UBP1: variants seen among roughly 807,000 people sequenced by gnomAD.
The protein encoded by UBP1 is upstream binding protein 1.
Under a neutral mutation model 76.1 loss-of-function variants are expected in UBP1, and 22 were observed. The ratio of observed to expected loss-of-function variants is 0.29; its 90% CI spans 0.21 to 0.41. The LOEUF is 0.41. Among genes scored for constraint, UBP1 ranks in the 10% least tolerant of loss-of-function variants. UBP1 has a pLI of 1.00. For missense variants in UBP1, 436 were observed against 668.1 expected, an observed-to-expected ratio of 0.65 and a Z score of 3.83; for synonymous variants, 224 against 237.1, an observed-to-expected ratio of 0.94 and a Z score of 0.51.
intron 1 of UBP1, among the ~76,000 whole-genome samples, chr3:33,427,116 T>G (rs775937720): frequency 2.0e-5 from 3 of 152,204 alleles, no homozygotes; most frequent in Non-Finnish European, 1.5e-5. Context: ...TAGAGGCATG[T>G]GCCACCACAC....
intron 1 of UBP1, among the ~76,000 whole-genome samples, chr3:33,429,791 T>C (rs1231396390): frequency 6.6e-6 from 1 of 152,200 alleles, no homozygotes; most frequent in Non-Finnish European, 1.5e-5. Context: ...AATCCAGCAA[T>C]GTAAGCTGCC....
Position 33,408,814 on chromosome 3 carries a change from G to A in UBP1, c.820-17C>T. 1.3e-6 allele frequency: 2 copies of A among 1,599,152 alleles called. No individual in the cohort carries two copies. Among genetic ancestry groups the A allele is most frequent in the Non-Finnish European group, 1.7e-6 (2 of 1,166,978 alleles). On this transcript the variant is annotated splice_polypyrimidine_tract_variant and intron_variant, in intron 7 of 15. Transcript: ENST00000283629. The stretch of plus-strand genomic sequence containing the variant: ...AAGCCTCATCTGGACAAACACCAAA[G>A]ATTGGGATCAATGTCTTTTCATTAT...
At chr3:33,417,825 C>G (rs544232695) in intron 2 of UBP1, among the ~76,000 whole-genome samples, 1 of 152,312 alleles carries the variant, frequency 6.6e-6, no homozygotes, top group African/African-American at 2.4e-5. Context: ...CTTGTCCATA[C>G]TCCCAGGGGG....
rs1418179172 is a variant in UBP1 at position 33,392,625 on chromosome 3, A to G, written c.1534-11T>C. Reference sequence around the variant, plus strand: ...AAAATTCTGAACCATCTGGAAGGATAAAGTAAATGCGTAAGTACAATTAAG... The same window carrying G: ...AAAATTCTGAACCATCTGGAAGGATGAAGTAAATGCGTAAGTACAATTAAG... On this transcript the variant is annotated splice_polypyrimidine_tract_variant and intron_variant, in intron 14 of 15. Coordinates refer to ENST00000283629, the MANE Select transcript of UBP1 (RefSeq NM_014517.5). 7 of 1,606,694 alleles carry G rather than the reference A, an allele frequency of 4.4e-6. No individual in the cohort carries two copies. Among genetic ancestry groups the G allele is most frequent in the Non-Finnish European group, 6.0e-6 (7 of 1,176,368 alleles).
intron 5 of UBP1, 28 bp downstream of exon 5, chr3:33,411,553 A>T (rs1286704474): frequency 6.3e-7 from 1 of 1,592,160 alleles, no homozygotes; most frequent in East Asian, 2.2e-5. Context: ...CTAGGTTAGT[A>T]AGCTTCTAAT....
At chr3:33,434,619 A>G (rs2045174009) in intron 1 of UBP1, among the ~76,000 whole-genome samples, 1 of 149,570 alleles carries the variant, frequency 6.7e-6, no homozygotes, top group Non-Finnish European at 1.5e-5. Flanking sequence ...TTGACAAGCT[A>G]TGGCCTAAGA....
intron 2 of UBP1, among the ~76,000 whole-genome samples, chr3:33,421,099 G>A (rs1231764131): frequency 6.6e-6 from 1 of 152,174 alleles, no homozygotes; most frequent in Non-Finnish European, 1.5e-5. Flanking sequence ...CACAGGCTCA[G>A]CCCCCAGCTG....
chr3:33,398,216 AATAGCCACTTACATATGTAGAAG>A (rs998948476), intron 11 of UBP1: 2 of 152,242 alleles, frequency 1.3e-5, no homozygotes, highest in African/African-American at 4.8e-5. Flanking sequence ...CCATATGATA[AATAGCCACTTACATATGTAGAAG>A]ATAATGGAGT....
intron 1 of UBP1, among the ~76,000 whole-genome samples, chr3:33,432,343 G>GCCAAAC (rs2045128755): frequency 6.6e-6 from 1 of 152,014 alleles, no homozygotes; most frequent in Non-Finnish European, 1.5e-5. Context: ...CTCTGTTTTG[G>GCCAAAC]CAAAGTTTTT....
Position 33,390,327 on chromosome 3 carries a change from G to C in UBP1, c.*4C>G, listed in dbSNP as rs368155809. 81 of 1,613,676 alleles carry C rather than the reference G, an allele frequency of 5.0e-5. No individual in the cohort carries two copies. The highest frequency in any genetic ancestry group is 3.3e-5 in the Admixed American group (2 of 60,006). Reference sequence around the variant, plus strand: ...ACTGAATACAGTTCAGTCTATATAAGACATCACTTCAAAATTATGTGGATG... The same window carrying C: ...ACTGAATACAGTTCAGTCTATATAACACATCACTTCAAAATTATGTGGATG... On this transcript the variant is annotated 3_prime_UTR_variant, in exon 16 of 16. Coordinates refer to ENST00000283629, the MANE Select transcript of UBP1 (RefSeq NM_014517.5).
At chr3:33,431,823 A>T (rs972829824) in intron 1 of UBP1, among the ~76,000 whole-genome samples, 2 of 152,142 alleles carry the variant, frequency 1.3e-5, no homozygotes, top group African/African-American at 4.8e-5. Flanking sequence ...AGGCATGGCA[A>T]GGATGAGTTG....
intron 1 of UBP1, among the ~76,000 whole-genome samples, chr3:33,436,048 C>T (rs1287011022): frequency 1.3e-5 from 2 of 152,120 alleles, no homozygotes; most frequent in Non-Finnish European, 2.9e-5. Flanking sequence ...TAAACCCTAC[C>T]CTTGCTAATC....
In UBP1 at chr3:33,393,939, G is replaced by T. The variant is rs559194636; in HGVS notation, c.1391-485C>A. 3.3e-5 allele frequency among the ~76,000 whole-genome samples: 5 copies of T among 152,206 alleles called. No individual in the cohort carries two copies. The East Asian group carries it at 5.8e-4, about 18-fold the overall frequency. ...TTATGGTATGTAAATTATGCCTGAA[G>T]AAAGCTGTTTTTAAAAATAATATAT... is the stretch of plus-strand genomic sequence containing the variant. On this transcript the variant is annotated intron_variant, in intron 13 of 15. Transcript: ENST00000283629.
chr3:33,416,001 C>CT (rs2044718803), intron 3 of UBP1: 1 of 152,110 alleles, frequency 6.6e-6, no homozygotes, highest in Non-Finnish European at 1.5e-5. Context: ...CCTTCCCATG[C>CT]TTACCCACTA....
chr3:33,405,414 AATC>A (rs1375516167), intron 8 of UBP1, among the ~76,000 whole-genome samples: 1 of 152,194 alleles, frequency 6.6e-6, no homozygotes, highest in East Asian at 1.9e-4. Context: ...TGTAAACGCA[AATC>A]ACCACCACGC....
intron 1 of UBP1, among the ~76,000 whole-genome samples, chr3:33,439,402 T>A (rs1024957019): frequency 1.3e-5 from 2 of 152,230 alleles, no homozygotes; most frequent in East Asian, 3.8e-4. Context: ...CTAGCTCCAA[T>A]GGGACTTGTA....
At chr3:33,426,416 T>C (rs1355729368) in intron 1 of UBP1, among the ~76,000 whole-genome samples, 1 of 152,194 alleles carries the variant, frequency 6.6e-6, no homozygotes, top group Non-Finnish European at 1.5e-5. Flanking sequence ...TGGATGTTGT[T>C]TGGTTTTAAC....
intron 11 of UBP1, chr3:33,397,397 A>C (rs1005130942): frequency 2.4e-5 from 7 of 287,104 alleles, no homozygotes; most frequent in Admixed American, 1.5e-4. Flanking sequence ...CAGGGCCTAA[A>C]GAACTCTTCC....
At chr3:33,403,067 CAAAGA>C (rs1423852362) in intron 8 of UBP1, among the ~76,000 whole-genome samples, 163 bp from the exon 9 acceptor site, 1 of 152,136 alleles carries the variant, frequency 6.6e-6, no homozygotes, top group Admixed American at 6.5e-5. Context: ...TTCTGTGTGG[CAAAGA>C]AAAGTTTTAC....
Sources: allele counts gnomAD v4.1 joint callset (sites outside exome capture counted in the v4.1 genomes callset), GRCh38; gene constraint gnomAD v4.1.1; transcripts MANE v1.5; gene names NCBI Gene and HGNC (gene_info 2026-07-23, HGNC 2026-07-21).